The following ZEB1 variants were observed in gnomAD, a reference collection of about 807,000 sequenced individuals.
ZEB1 encodes zinc finger E-box binding homeobox 1, also known as zinc finger E-box-binding homeobox 1.
ZEB1 carries 21 observed loss-of-function variants against 84.9 expected under a neutral mutation model. That is an observed-to-expected ratio of 0.25 (90% confidence interval 0.18 to 0.36). The LOEUF (loss-of-function observed/expected upper bound fraction) is 0.36. ZEB1 is among the 10% of genes least tolerant of loss of function. The pLI, the probability that ZEB1 is intolerant of heterozygous loss-of-function variation, is 1.00. For synonymous variants in ZEB1, 420 were observed against 471.1 expected (o/e 0.89, Z 1.41); for missense variants, 1,104 against 1,330.2 (o/e 0.83, Z 2.65).
chr10:31,401,619 T>G (rs2052019215), intron 1 of ZEB1, among the ~76,000 whole-genome samples: 1 of 152,198 alleles, frequency 6.6e-6, no homozygotes, highest in African/African-American at 2.4e-5. Flanking sequence ...GACATTCTCT[T>G]TATGCTCATG....
chr10:31,483,467 G>T (rs2138554827), intron 2 of ZEB1, among the ~76,000 whole-genome samples: 1 of 151,928 alleles, frequency 6.6e-6, no homozygotes, highest in South Asian at 2.1e-4. Flanking sequence ...CATTAAATAT[G>T]ATATCCATAC....
intron 1 of ZEB1, among the ~76,000 whole-genome samples, chr10:31,426,961 A>G (rs1390355873): frequency 4.6e-5 from 6 of 130,366 alleles, no homozygotes; most frequent in African/African-American, 1.4e-4. Flanking sequence ...ACAGCTTTGT[A>G]GGAAAAAATT....
intron 2 of ZEB1, among the ~76,000 whole-genome samples, chr10:31,474,976 C>T (rs1283743965): frequency 1.3e-5 from 2 of 151,436 alleles, no homozygotes; most frequent in African/African-American, 4.9e-5. Flanking sequence ...AAATCAAACA[C>T]CGCATATTCT....
intron 7 of ZEB1, among the ~76,000 whole-genome samples, chr10:31,523,632 A>C (rs1327390068): frequency 1.3e-5 from 2 of 152,222 alleles, no homozygotes; most frequent in African/African-American, 2.4e-5. Flanking sequence ...CTGTTACTAT[A>C]TATTTTACAT....
At chr10:31,323,352 C>T (rs2034601487) in intron 1 of ZEB1, among the ~76,000 whole-genome samples, 1 of 140,644 alleles carries the variant, frequency 7.1e-6, no homozygotes, top group African/African-American at 3.2e-5. Flanking sequence ...AGGAAAATTA[C>T]AATTGATTGA....
At chr10:31,409,085 G>T (rs1228529156) in intron 1 of ZEB1, among the ~76,000 whole-genome samples, 1 of 152,184 alleles carries the variant, frequency 6.6e-6, no homozygotes, top group Admixed American at 6.5e-5. Flanking sequence ...AGTGGGCAAA[G>T]GACATGAACA....
chr10:31,321,470 C>G, intron 1 of ZEB1: 1 of 1,613,930 alleles, frequency 6.2e-7, no homozygotes, highest in South Asian at 1.1e-5. Context: ...CCTGTTTTAG[C>G]GTCAAATAGT....
intron 1 of ZEB1, among the ~76,000 whole-genome samples, chr10:31,419,142 A>G (rs2055717421): frequency 6.6e-6 from 1 of 152,120 alleles, no homozygotes; most frequent in Non-Finnish European, 1.5e-5. Context: ...TGTGAGATAA[A>G]TGCTGTACAG....
chr10:31,491,974 G>A (rs1017147872), intron 2 of ZEB1, among the ~76,000 whole-genome samples: 5 of 151,974 alleles, frequency 3.3e-5, no homozygotes, highest in African/African-American at 1.2e-4. Context: ...ATTCAGGTCT[G>A]AATTTAGGAA....
chr10:31,318,991 T>C, upstream of ZEB1: 1 of 566,384 alleles, frequency 1.8e-6, no homozygotes, highest in Non-Finnish European at 3.2e-6. Flanking sequence ...GGAAAACTTT[T>C]CCCTCGCCCC....
chr10:31,344,539 A>G (rs536330050), intron 1 of ZEB1, among the ~76,000 whole-genome samples: 4 of 152,202 alleles, frequency 2.6e-5, no homozygotes, highest in Admixed American at 6.6e-5. Context: ...GCTCACTTCA[A>G]TTTCCCCAGC....
chr10:31,349,801 A>G (rs986162130), intron 1 of ZEB1, among the ~76,000 whole-genome samples: 1 of 151,952 alleles, frequency 6.6e-6, no homozygotes, highest in East Asian at 1.9e-4. Flanking sequence ...AGCTTTTTAC[A>G]TGTTTTGGAT....
intron 1 of ZEB1, among the ~76,000 whole-genome samples, chr10:31,338,288 A>C (rs2038626182): frequency 6.6e-6 from 1 of 152,220 alleles, no homozygotes. Flanking sequence ...ATCAGGCACT[A>C]TTCTCAATAT....
intron 1 of ZEB1, among the ~76,000 whole-genome samples, chr10:31,388,614 A>G (rs1407638360): frequency 6.6e-6 from 1 of 152,156 alleles, no homozygotes; most frequent in African/African-American, 2.4e-5. Flanking sequence ...CTTGGTTATT[A>G]TAACTGCAGG....
intron 1 of ZEB1, among the ~76,000 whole-genome samples, chr10:31,411,638 C>CAAAAA (rs11440732): frequency 2.0e-5 from 2 of 98,078 alleles, no homozygotes; most frequent in African/African-American, 4.2e-5. Flanking sequence ...GACTCCGTCT[C>CAAAAA]AAAAAAAAAA....
At chr10:31,433,017 G>A (rs546673541) in intron 1 of ZEB1, among the ~76,000 whole-genome samples, 1 of 149,588 alleles carries the variant, frequency 6.7e-6, no homozygotes, top group East Asian at 1.9e-4. Context: ...TTAGATAATT[G>A]TGGATATTCT....
At chr10:31,491,500 C>A (rs944915137) in intron 2 of ZEB1, among the ~76,000 whole-genome samples, 6 of 151,822 alleles carry the variant, frequency 4.0e-5, no homozygotes, top group African/African-American at 1.4e-4. Flanking sequence ...CCTTCACTGC[C>A]ATGCCCCAGG....
chr10:31,500,642 A>G (rs1275655952), intron 3 of ZEB1, among the ~76,000 whole-genome samples: 1 of 152,188 alleles, frequency 6.6e-6, no homozygotes, highest in East Asian at 1.9e-4. Context: ...CACTCCAAGC[A>G]GTGTACCATA....
intron 1 of ZEB1, among the ~76,000 whole-genome samples, chr10:31,424,370 A>G (rs965318624): frequency 6.6e-6 from 1 of 152,006 alleles, no homozygotes; most frequent in Non-Finnish European, 1.5e-5. Context: ...AGTGAAACTT[A>G]CTGGGGATGA....
Sources: gnomAD v4.1 joint callset for allele counts (sites outside exome capture counted in the v4.1 genomes callset) on GRCh38, gnomAD v4.1.1 for gene constraint, MANE v1.5 for transcripts, NCBI Gene and HGNC (gene_info 2026-07-23, HGNC 2026-07-21) for gene names.